HLA-DQA1: variants seen among roughly 807,000 people sequenced by gnomAD.
The protein encoded by HLA-DQA1 is HLA class II histocompatibility antigen, DQ alpha 1 chain.
In HLA-DQA1, 10 loss-of-function variants were observed where a neutral mutation model predicts 20.7. The ratio of observed to expected loss-of-function variants is 0.48; its 90% CI spans 0.30 to 0.82. The LOEUF is 0.82. Ranked by LOEUF, HLA-DQA1 falls within the 40% of genes least tolerant of loss-of-function variation. The pLI is 0.07. For missense variants in HLA-DQA1, 127 were observed against 293.0 expected, an observed-to-expected ratio of 0.43 and a Z score of 4.14; for synonymous variants, 39 against 109.2, an observed-to-expected ratio of 0.36 and a Z score of 4.01.
In HLA-DQA1 at chr6:32,641,320, T is replaced by C. The variant is rs1129738; in HGVS notation, c.93T>C (p.Val31=). ...ATCTTCACTCATCAGCTGACCACGT[T>C]GCCTCTTGTGGTGTAAACTTGTACC... ...CGGEDIVADH[V]ASCGVNLYQF... The change falls in exon 2 of 5, where the codon GTT becomes GTC. Residue 31 remains valine (V), a synonymous_variant. Transcript: ENST00000343139. 0.16 allele frequency: 181,273 copies of C among 1,109,082 alleles called. 43,058 individuals are homozygous for C. The highest frequency in any genetic ancestry group is 0.27 in the Middle Eastern group (1,103 of 4,040). 68.7% of individuals were successfully genotyped at this position (1,109,082 alleles called of 1,614,324 possible). A position where few individuals can be genotyped will look rare whatever the true frequency, so the allele number is the denominator to read the frequency against.
chr6:32,638,015 A>G (rs988843533), intron 1 of HLA-DQA1, among the ~76,000 whole-genome samples: 1 of 125,440 alleles, frequency 8.0e-6, no homozygotes, highest in Non-Finnish European at 1.7e-5. Context: ...ACTTACTCAC[A>G]TTTCCACATG....
At chr6:32,652,879 A>T in the HLA-DQA1 span, among the ~76,000 whole-genome samples, 7,164 of 108,046 alleles carry the variant, frequency 0.066, 260 homozygotes, top group South Asian at 0.17. Context: ...GGGTTTTAGA[A>T]ACTGTATTAT....
chr6:32,647,970 C>T (rs1315971755), downstream of HLA-DQA1, among the ~76,000 whole-genome samples: 1 of 151,696 alleles, frequency 6.6e-6, no homozygotes, highest in East Asian at 1.9e-4. Flanking sequence ...CATAATTCCA[C>T]AAACATGTAA....
At chr6:32,639,265 G>A (rs9272555) in intron 1 of HLA-DQA1, 41,678 of 124,950 alleles carry the variant, frequency 0.33, 12,179 homozygotes, top group Admixed American at 0.43. Flanking sequence ...AAAAATAATG[G>A]AATATTAGAG....
chr6:32,639,504 G>A lies in HLA-DQA1; in HGVS notation c.83-1806G>A, dbSNP rs9272574. 6.5e-3 allele frequency: 542 copies of A among 83,896 alleles called. 96 individuals are homozygous for A. The highest frequency in any genetic ancestry group is 0.053 in the Middle Eastern group (7 of 132). 5.2% of individuals were successfully genotyped at this position (83,896 alleles called of 1,614,324 possible). ...CTTCCCCAAAATCTATGTGGTCCTC[G>A]AATATAGCAACTGTCATTCAATACA... On this transcript the variant is annotated intron_variant, in intron 1 of 4. Transcript: ENST00000343139.
intron 1 of HLA-DQA1, chr6:32,638,897 C>T (rs1169103142): frequency 3.0e-6 from 1 of 334,800 alleles, no homozygotes; most frequent in South Asian, 2.2e-5. Context: ...TCCCTTTCTC[C>T]CTCTTCCCTT....
chr6:32,646,583 A>AAAT (rs1486413009), downstream of HLA-DQA1: 16 of 51,510 alleles, frequency 3.1e-4, no homozygotes, highest in East Asian at 7.0e-4. Flanking sequence ...AATAAATAAA[A>AAAT]CTTACAAAAT....
chr6:32,640,948 A>ATATT (rs1781346922), intron 1 of HLA-DQA1, among the ~76,000 whole-genome samples: 1 of 102,032 alleles, frequency 9.8e-6, no homozygotes, highest in Non-Finnish European at 2.2e-5. Flanking sequence ...AGCAGAGGGA[A>ATATT]GTAAACCTAA....
downstream of HLA-DQA1, chr6:32,643,847 G>T (rs73409538): frequency 0.017 from 2,654 of 151,958 alleles, 43 homozygotes; most frequent in East Asian, 0.042. Flanking sequence ...TCCTCACATA[G>T]GGTTAGTGAC....
chr6:32,653,461 AC>A, the HLA-DQA1 span, among the ~76,000 whole-genome samples: 6 of 95,334 alleles, frequency 6.3e-5, 2 homozygotes, highest in Non-Finnish European at 1.4e-4. Flanking sequence ...ATGGGGCTTC[AC>A]TATGTTGGCC....
intron 1 of HLA-DQA1, among the ~76,000 whole-genome samples, chr6:32,638,065 A>C (rs1781020578): frequency 7.5e-6 from 1 of 132,836 alleles, no homozygotes; most frequent in Non-Finnish European, 1.7e-5. Flanking sequence ...GGAGTCCAGC[A>C]GGCTGAATGC....
At chr6:32,641,925 G>A in intron 2 of HLA-DQA1, 47 bp from the exon 3 acceptor site, 1 of 1,060,360 alleles carries the variant, frequency 9.4e-7, no homozygotes, top group South Asian at 1.3e-5. Context: ...CAGAACTTCA[G>A]GGCAGAGCTA....
chr6:32,648,144 G>T (rs17612704), downstream of HLA-DQA1, among the ~76,000 whole-genome samples: 7,050 of 83,424 alleles, frequency 0.085, 651 homozygotes, highest in Middle Eastern at 0.13. Flanking sequence ...GTTGAGGAGG[G>T]CAGAGCAATG....
At chr6:32,645,830 G>C (rs1014458725), downstream of HLA-DQA1, 10 of 115,002 alleles carry the variant, frequency 8.7e-5, 4 homozygotes, top group Admixed American at 8.2e-4. Flanking sequence ...CGTGAGGCAA[G>C]AACCCAGCAT....
intron 1 of HLA-DQA1, among the ~76,000 whole-genome samples, chr6:32,640,812 T>TAAA (rs34713112): frequency 0.067 from 6,260 of 93,536 alleles, 1,121 homozygotes; most frequent in South Asian, 0.19. Context: ...GCTTTTCCTT[T>TAAA]AAAAAAAAAA....
the HLA-DQA1 span, among the ~76,000 whole-genome samples, chr6:32,655,269 A>AAAAG: frequency 4.0e-4 from 51 of 128,170 alleles, no homozygotes; most frequent in African/African-American, 1.5e-3. Flanking sequence ...GTTTTTTAAA[A>AAAAG]TCACCTCTTA....
At chr6:32,652,572 A>ATT in the HLA-DQA1 span, among the ~76,000 whole-genome samples, 21 of 150,178 alleles carry the variant, frequency 1.4e-4, no homozygotes, top group African/African-American at 5.1e-4. Context: ...ATGATGAACA[A>ATT]TTTTTTCAAC....
In HLA-DQA1 at chr6:32,639,071, C is replaced by G; in HGVS notation, c.82+1531C>G. The G allele has an allele frequency of 1.2e-5, 3 of 258,538 alleles. 1 individual carries two copies. Among genetic ancestry groups the G allele is most frequent in the South Asian group, 8.2e-5 (3 of 36,616 alleles). The allele number at this position is 258,538 out of a possible 1,614,324, so 16.0% of individuals were successfully genotyped here. A position where few individuals can be genotyped will look rare whatever the true frequency, so the allele number is the denominator to read the frequency against. On this transcript the variant is annotated intron_variant, in intron 1 of 4. Coordinates refer to ENST00000343139, the MANE Select transcript of HLA-DQA1 (RefSeq NM_002122.5). ...CTGCTCCCATTATGATTTTGTTCGG[C>G]AGTGGAAGTTTCACCTGCTTCTCCA...
At chr6:32,651,588 C>CAAAAAAAAAAAAAAAAAAAAAAAAAAA (rs70996710), downstream of HLA-DQA1, among the ~76,000 whole-genome samples, 1 of 15,292 alleles carries the variant, frequency 6.5e-5, no homozygotes, top group Admixed American at 1.4e-3. Context: ...CGTCTCAAAG[C>CAAAAAAAAAAAAAAAAAAAAAAAAAAA]AAAAAAAAAA....
Sources: gnomAD v4.1 joint callset for allele counts (sites outside exome capture counted in the v4.1 genomes callset) on GRCh38, gnomAD v4.1.1 for gene constraint, MANE v1.5 for transcripts, NCBI Gene and HGNC (gene_info 2026-07-23, HGNC 2026-07-21) for gene names.